The following CTNNA3 variants were observed in gnomAD, a reference collection of about 807,000 sequenced individuals.
The protein encoded by CTNNA3 is catenin alpha 3.
CTNNA3 carries 76 observed loss-of-function variants against 95.7 expected under a neutral mutation model. That is an observed-to-expected ratio of 0.79 (90% confidence interval 0.66 to 0.96). The LOEUF (loss-of-function observed/expected upper bound fraction) is 0.96. Ranked by LOEUF, CTNNA3 falls within the 40% of genes least tolerant of loss-of-function variation. CTNNA3 has a pLI of 0.00. For synonymous variants in CTNNA3, 431 were observed against 374.4 expected (o/e 1.15, Z -1.74); for missense variants, 1,191 against 1,089.8 (o/e 1.09, Z -1.31).
chr10:67,028,905 T>G (rs1853555872), intron 7 of CTNNA3, among the ~76,000 whole-genome samples: 1 of 152,116 alleles, frequency 6.6e-6, no homozygotes, highest in African/African-American at 2.4e-5. Context: ...AACATTTTGG[T>G]GCAAGCATAA....
chr10:66,649,098 G>T (rs1181244985), intron 9 of CTNNA3, among the ~76,000 whole-genome samples: 1 of 152,114 alleles, frequency 6.6e-6, no homozygotes, highest in Non-Finnish European at 1.5e-5. Context: ...TGGCATAATA[G>T]GTGCCAGAAG....
At chr10:67,384,994 GA>G (rs1844095491) in intron 5 of CTNNA3, among the ~76,000 whole-genome samples, 1 of 151,744 alleles carries the variant, frequency 6.6e-6, no homozygotes, top group South Asian at 2.1e-4. Context: ...ATTTTGATAA[GA>G]AAAAGTGGTA....
intron 13 of CTNNA3, among the ~76,000 whole-genome samples, chr10:66,200,612 G>T (rs1036357898): frequency 1.3e-5 from 2 of 152,126 alleles, no homozygotes; most frequent in African/African-American, 2.4e-5. Context: ...ATTGCACTGC[G>T]AATGTATCCG....
chr10:67,093,479 A>G (rs1857784621), intron 7 of CTNNA3, among the ~76,000 whole-genome samples: 1 of 151,904 alleles, frequency 6.6e-6, no homozygotes, highest in African/African-American at 2.4e-5. Flanking sequence ...GAAAAGAATA[A>G]AAGGACCCAA....
chr10:67,253,604 G>GTA (rs1412372612), intron 5 of CTNNA3, among the ~76,000 whole-genome samples: 1 of 152,142 alleles, frequency 6.6e-6, no homozygotes, highest in African/African-American at 2.4e-5. Flanking sequence ...AATGGCATAA[G>GTA]TATATAATGG....
At chr10:67,639,172 A>T (rs956708779) in intron 2 of CTNNA3, among the ~76,000 whole-genome samples, 61 of 152,216 alleles carry the variant, frequency 4.0e-4, no homozygotes, top group Admixed American at 1.2e-3. Context: ...GATAAAGGGG[A>T]TATCACCGCC....
intron 7 of CTNNA3, among the ~76,000 whole-genome samples, chr10:67,168,550 C>G (rs540504792): frequency 6.6e-6 from 1 of 152,228 alleles, no homozygotes; most frequent in Non-Finnish European, 1.5e-5. Flanking sequence ...ATCTCAATAG[C>G]CACAGAAAAG....
chr10:65,998,564 A>G (rs1400039678), intron 15 of CTNNA3, among the ~76,000 whole-genome samples: 1 of 152,184 alleles, frequency 6.6e-6, no homozygotes, highest in Non-Finnish European at 1.5e-5. Flanking sequence ...AGCTCACTAA[A>G]GCAATTGTTT....
At chr10:66,962,196 C>G (rs1480819533) in intron 7 of CTNNA3, among the ~76,000 whole-genome samples, 1 of 152,078 alleles carries the variant, frequency 6.6e-6, no homozygotes, top group Non-Finnish European at 1.5e-5. Flanking sequence ...TCATGAAAGG[C>G]AAAGTAATTA....
intron 7 of CTNNA3, among the ~76,000 whole-genome samples, chr10:66,857,982 T>C (rs7893910): frequency 0.58 from 88,796 of 151,926 alleles, 27,028 homozygotes; most frequent in African/African-American, 0.64. Flanking sequence ...TGTCTTGTTC[T>C]AGTTTTCAAG....
At chr10:67,547,718 A>G (rs1589412089) in intron 3 of CTNNA3, among the ~76,000 whole-genome samples, 1 of 152,228 alleles carries the variant, frequency 6.6e-6, no homozygotes, top group East Asian at 1.9e-4. Flanking sequence ...AAAGGAGCAT[A>G]AAAATTTAGT....
intron 12 of CTNNA3, among the ~76,000 whole-genome samples, chr10:66,302,254 C>T (rs1176296062): frequency 6.6e-6 from 1 of 151,946 alleles, no homozygotes; most frequent in African/African-American, 2.4e-5. Context: ...ACTTGATGTA[C>T]AATCAAGTTA....
In CTNNA3 at chr10:66,171,226, A is replaced by G. The variant is rs1040772236; in HGVS notation, c.1885-67977T>C. On this transcript the variant is annotated intron_variant, in intron 13 of 17. Coordinates refer to ENST00000433211, the MANE Select transcript of CTNNA3 (RefSeq NM_013266.4). ...AAAGTTTGTAAATTAGGCTAATCTT[A>G]ATTTTAAAAAGCAAACAAAAAACTA... Among the ~76,000 whole-genome samples, 22 of 152,126 alleles carry G rather than the reference A, an allele frequency of 1.4e-4. 1 individual carries two copies. The highest frequency in any genetic ancestry group is 1.4e-3 in the Admixed American group (22 of 15,266).
At chr10:66,588,187 T>C (rs1709257884) in intron 10 of CTNNA3, among the ~76,000 whole-genome samples, 1 of 151,842 alleles carries the variant, frequency 6.6e-6, no homozygotes, top group Non-Finnish European at 1.5e-5. Flanking sequence ...AAGATCTGCC[T>C]CCATGGCCTG....
intron 10 of CTNNA3, among the ~76,000 whole-genome samples, chr10:66,543,142 T>TGTGCGCC (rs1316570950): frequency 6.6e-6 from 1 of 152,088 alleles, no homozygotes; most frequent in Non-Finnish European, 1.5e-5. Flanking sequence ...AGGCTAGAGT[T>TGTGCGCC]CAATGGCGCA....
chr10:67,711,699 C>T (rs1841110499), intron 1 of CTNNA3, among the ~76,000 whole-genome samples: 1 of 151,088 alleles, frequency 6.6e-6, no homozygotes, highest in African/African-American at 2.4e-5. Context: ...CGTCATCTAG[C>T]ATTAGGTATA....
chr10:66,766,407 C>T lies in CTNNA3; in HGVS notation c.1138G>A (p.Ala380Thr), dbSNP rs772731501. The change falls in exon 9 of 18, where the codon GCT becomes ACT. Residue 380 changes from alanine (A) to threonine (T), a missense_variant. Transcript: ENST00000433211. Reference sequence around the variant, plus strand: ...GAGTCTGACACATGATCTATAATAGCCTTGCGGAGCTGAGAAGAAATGAAA... The same window carrying T: ...GAGTCTGACACATGATCTATAATAGTCTTGCGGAGCTGAGAAGAAATGAAA... ...TRDLRRQLRK[A>T]IIDHVSDSFL... is the part of the protein sequence containing the mutation. 2 of 1,606,674 alleles carry T rather than the reference C, an allele frequency of 1.2e-6. No homozygotes were observed. Among genetic ancestry groups the T allele is most frequent in the Admixed American group, 1.7e-5 (1 of 59,078 alleles).
chr10:66,382,955 A>T (rs1289078090), intron 11 of CTNNA3, among the ~76,000 whole-genome samples: 1 of 152,212 alleles, frequency 6.6e-6, no homozygotes, highest in African/African-American at 2.4e-5. Context: ...AACATCAAAG[A>T]CCAAAGGTAG....
In CTNNA3 at chr10:66,513,651, T is replaced by C. The variant is rs114207946; in HGVS notation, c.1531+6966A>G. On this transcript the variant is annotated intron_variant, in intron 11 of 17. Coordinates refer to ENST00000433211, the MANE Select transcript of CTNNA3 (RefSeq NM_013266.4). ...GTCCTTAAGCCCTAAGTGGCACGTTTGGGGATCAGTGTTCATGGCAGTAGG... is the reference window on the plus strand; with the variant it reads ...GTCCTTAAGCCCTAAGTGGCACGTTCGGGGATCAGTGTTCATGGCAGTAGG... Among the ~76,000 whole-genome samples, 1,035 of 152,264 alleles carry C rather than the reference T, an allele frequency of 6.8e-3. 15 individuals are homozygous for C. Among genetic ancestry groups the C allele is most frequent in the African/African-American group, 0.024 (990 of 41,556 alleles).
Sources: allele counts gnomAD v4.1 joint callset (sites outside exome capture counted in the v4.1 genomes callset), GRCh38; gene constraint gnomAD v4.1.1; transcripts MANE v1.5; gene names NCBI Gene and HGNC (gene_info 2026-07-23, HGNC 2026-07-21).